The following DNAJC11 variants were observed in gnomAD, a reference collection of about 807,000 sequenced individuals.
DNAJC11 encodes the protein DnaJ heat shock protein family (Hsp40) member C11, also known as dnaJ homolog subfamily C member 11.
A neutral mutation model predicts 78.6 loss-of-function variants in DNAJC11; 15 were observed. The observed-to-expected ratio is 0.19, with a 90% CI of 0.13 to 0.29. DNAJC11 has a LOEUF of 0.29. DNAJC11 is among the 10% of genes least tolerant of loss of function. The probability of loss-of-function intolerance (pLI) is 1.00; values close to 1 mark genes in which losing one functional copy is unlikely to be tolerated. For synonymous variants in DNAJC11, 292 were observed against 272.1 expected, an observed-to-expected ratio of 1.07 and a Z score of -0.72; for missense variants, 547 against 709.6, an observed-to-expected ratio of 0.77 and a Z score of 2.60.
At chr1:6,652,624 G>A (rs1002685827) in intron 6 of DNAJC11, among the ~76,000 whole-genome samples, 4 of 152,076 alleles carry the variant, frequency 2.6e-5, no homozygotes, top group Non-Finnish European at 5.9e-5. Flanking sequence ...ATTTTTAGTA[G>A]AGACGGGGTT....
intron 1 of DNAJC11, among the ~76,000 whole-genome samples, chr1:6,684,856 T>C (rs140217950): frequency 6.6e-6 from 1 of 152,326 alleles, no homozygotes; most frequent in Non-Finnish European, 1.5e-5. Context: ...ATCATCTCAA[T>C]CACCTGGTTA....
In DNAJC11 at chr1:6,634,281, G is replaced by A. The variant is rs527251312; in HGVS notation, c.*1394C>T. 2.5e-5 allele frequency: 22 copies of A among 876,454 alleles called. No individual in the cohort carries two copies. Among genetic ancestry groups the A allele is most frequent in the South Asian group, 1.8e-4 (10 of 55,800 alleles). The allele number at this position is 876,454 out of a possible 1,614,324, so 54.3% of individuals were successfully genotyped here. A position where few individuals can be genotyped will look rare whatever the true frequency, so the allele number is the denominator to read the frequency against. On this transcript the variant is annotated 3_prime_UTR_variant, in exon 16 of 16. Transcript: ENST00000377577. ...TGCGGCAGAGGCGCACGGGAAGCCC[G>A]GGGCCCAGGCTCATGCAACACGACG... is the stretch of plus-strand genomic sequence containing the variant.
intron 1 of DNAJC11, among the ~76,000 whole-genome samples, chr1:6,690,662 C>T (rs1379051005): frequency 1.3e-5 from 2 of 152,182 alleles, no homozygotes; most frequent in Non-Finnish European, 2.9e-5. Context: ...TGGTGGCTCA[C>T]GCCTGTAATC....
In DNAJC11 at chr1:6,635,017, G is replaced by A. The variant is rs1381746189; in HGVS notation, c.*658C>T. 1.7e-5 allele frequency: 8 copies of A among 472,242 alleles called. No homozygotes were observed. The East Asian group carries it at 4.4e-4, about 26-fold the overall frequency. 29.3% of individuals were successfully genotyped at this position (472,242 alleles called of 1,614,324 possible). On this transcript the variant is annotated 3_prime_UTR_variant, in exon 16 of 16. Transcript: ENST00000377577. ...TGTGTCAGGGCTAGGCCCTGGGATC[G>A]GGAGTTACACTACCCTGTCCCAAGC... is the stretch of plus-strand genomic sequence containing the variant.
chr1:6,678,280 T>G (rs1570303110), intron 3 of DNAJC11, 114 bp downstream of exon 3: 2 of 1,112,260 alleles, frequency 1.8e-6, no homozygotes, highest in African/African-American at 3.1e-5. Flanking sequence ...GGAAGGGGGC[T>G]CTAATGGTTT....
rs200171486 is a variant in DNAJC11, at chr1:6,668,136, CTTTCTTTTT to C, written c.277-335_277-327del. The C allele has an allele frequency of 4.3e-5, 12 of 277,108 alleles. No individual in the cohort carries two copies. In the East Asian group the frequency reaches 4.9e-4, roughly 11 times the overall value. The allele number at this position is 277,108 out of a possible 1,614,324, so 17.2% of individuals were successfully genotyped here. A position where few individuals can be genotyped will look rare whatever the true frequency, so the allele number is the denominator to read the frequency against. ...AAGGAAAATGTCACCTTATGAATTT[CTTTCTTTTT>C]TTTCTTTTTTGAGACGGAGTCTCGC... On this transcript the variant is annotated intron_variant, in intron 3 of 15. Transcript: ENST00000377577.
intron 1 of DNAJC11, among the ~76,000 whole-genome samples, chr1:6,700,804 A>G (rs887602988): frequency 2.6e-5 from 4 of 152,146 alleles, no homozygotes; most frequent in African/African-American, 9.7e-5. Flanking sequence ...TTTCATTACC[A>G]CTGGAAAACC....
At chr1:6,644,455 C>T in intron 10 of DNAJC11, 103 bp downstream of exon 10, 1 of 913,138 alleles carries the variant, frequency 1.1e-6, no homozygotes, top group Non-Finnish European at 1.8e-6. Flanking sequence ...TCTTTAAGAA[C>T]AAAATTACAA....
intron 4 of DNAJC11, among the ~76,000 whole-genome samples, chr1:6,659,537 A>T (rs779484374): frequency 5.9e-5 from 9 of 152,078 alleles, no homozygotes; most frequent in African/African-American, 1.2e-4. Flanking sequence ...CGGCGGGTGG[A>T]TCACCTGAGG....
intron 1 of DNAJC11, among the ~76,000 whole-genome samples, chr1:6,683,160 T>A (rs1358779113): frequency 1.1e-4 from 16 of 152,196 alleles, no homozygotes; most frequent in Admixed American, 1.0e-3. Flanking sequence ...TTCCCTTTGG[T>A]GCAGACTTCA....
Position 6,645,937 on chromosome 1 carries a change from C to T in DNAJC11, c.746G>A (p.Gly249Glu), listed in dbSNP as rs1157122058. 1.2e-6 allele frequency: 2 copies of T among 1,614,176 alleles called. No homozygotes were observed. The highest frequency in any genetic ancestry group is 1.3e-5 in the African/African-American group (1 of 75,046). The part of the protein sequence containing the change: ...TNCALQFSSR[G>E]IRPGLTTVLA... ...GACAGTGGTCAGGCCGGGTCGGATT[C>T]CACGGGATGAAAACTGCAGAGCACA... Residue 249 changes from glycine to glutamate, a missense_variant, in exon 8 of 16, where the codon GGA (glycine) becomes GAA (glutamate). By Grantham distance (98) the Gly-to-Glu change is moderately conservative. Transcript: ENST00000377577. This position sits in a 1 kb window ranked among gnomAD's most constrained non-coding sequence, Gnocchi z 4.1.
chr1:6,661,229 A>C (rs192353822), intron 4 of DNAJC11, among the ~76,000 whole-genome samples: 15 of 152,356 alleles, frequency 9.8e-5, no homozygotes, highest in African/African-American at 2.9e-4. Context: ...ACTCTTTACT[A>C]ACTGAAAATT....
intron 1 of DNAJC11, among the ~76,000 whole-genome samples, chr1:6,681,990 TG>T (rs1642560566): frequency 6.6e-6 from 1 of 152,014 alleles, no homozygotes; most frequent in South Asian, 2.1e-4. Flanking sequence ...AGCACATTTC[TG>T]GGTCACTGAC....
At position 6,683,558 on chromosome 1, in the gene DNAJC11, G is replaced by A. The variant is rs185906040; in HGVS notation, c.73-2521C>T. Among the ~76,000 whole-genome samples, 15 of 152,306 alleles carry A rather than the reference G, an allele frequency of 9.8e-5. No homozygotes were observed. The East Asian group carries it at 2.3e-3, about 24-fold the overall frequency. Reference sequence around the variant, plus strand: ...GCTTCTTTCTGAGTCTTTGTGAGGCGTAATTGAGATAATACAAGCATGAGT... The same window carrying A: ...GCTTCTTTCTGAGTCTTTGTGAGGCATAATTGAGATAATACAAGCATGAGT... On this transcript the variant is annotated intron_variant, in intron 1 of 15. Transcript: ENST00000377577.
intron 7 of DNAJC11, among the ~76,000 whole-genome samples, chr1:6,650,302 A>C (rs1642035454): frequency 6.6e-6 from 1 of 152,008 alleles, no homozygotes; most frequent in Non-Finnish European, 1.5e-5. Flanking sequence ...GAAGTGGCTC[A>C]TGCTTCTAAT....
rs532682570 is a variant in DNAJC11, at chr1:6,640,087, A to G, written c.1098-30T>C. ...GGAAAAATACAAAAAAAAAAAAAAA[A>G]AAGCCAAGATGAATCAGGTTTTCCA... On this transcript the variant is annotated intron_variant, in intron 10 of 15. Coordinates refer to ENST00000377577, the MANE Select transcript of DNAJC11 (RefSeq NM_018198.4). 2.0e-5 allele frequency: 30 copies of G among 1,531,298 alleles called. No individual in the cohort carries two copies. In the South Asian group the frequency reaches 3.3e-4, roughly 17 times the overall value. 94.9% of individuals were successfully genotyped at this position (1,531,298 alleles called of 1,614,324 possible). A position where few individuals can be genotyped will look rare whatever the true frequency, so the allele number is the denominator to read the frequency against.
Position 6,676,459 on chromosome 1 carries a change from A to G in DNAJC11, c.276+1935T>C, listed in dbSNP as rs1048622516. The stretch of plus-strand genomic sequence containing the variant: ...CTTTGGGAGGCTGAGGGGGGAGGGT[A>G]GCTTCAGGCTAGGAGTTTGAGACCA... On this transcript the variant is annotated intron_variant, in intron 3 of 15. Transcript: ENST00000377577. 2.6e-4 allele frequency among the ~76,000 whole-genome samples: 40 copies of G among 151,934 alleles called. 1 individual carries two copies. The highest frequency in any genetic ancestry group is 9.6e-4 in the African/African-American group (40 of 41,456).
intron 4 of DNAJC11, among the ~76,000 whole-genome samples, chr1:6,663,304 C>CA (rs1202791706): frequency 6.6e-6 from 1 of 152,146 alleles, no homozygotes; most frequent in Admixed American, 6.5e-5. Context: ...CCCACACCCC[C>CA]AAACAAACCT....
intron 3 of DNAJC11, among the ~76,000 whole-genome samples, chr1:6,676,225 C>A (rs1385618104): frequency 6.6e-6 from 1 of 152,076 alleles, no homozygotes. Context: ...GGGACTGGGA[C>A]AAATTGGACA....
Sources: gnomAD v4.1 joint callset for allele counts (sites outside exome capture counted in the v4.1 genomes callset) on GRCh38, gnomAD v4.1.1 for gene constraint, Gnocchi (gnomAD v3.1) non-coding constraint, MANE v1.5 for transcripts, NCBI Gene and HGNC (gene_info 2026-07-23, HGNC 2026-07-21) for gene names.